NPAS2: variants seen among roughly 807,000 people sequenced by gnomAD.
NPAS2 encodes neuronal PAS domain-containing protein 2.
A neutral mutation model predicts 107.5 loss-of-function variants in NPAS2; 23 were observed. That is an observed-to-expected ratio of 0.21 (90% CI 0.15 to 0.30). The LOEUF is 0.30. Ranked by LOEUF, NPAS2 falls within the 10% of genes least tolerant of loss-of-function variation. The pLI is 1.00. For missense variants in NPAS2, 756 were observed against 1,043.3 expected, an observed-to-expected ratio of 0.72 and a Z score of 3.79; for synonymous variants, 403 against 417.5, an observed-to-expected ratio of 0.97 and a Z score of 0.42.
At chr2:100,821,327 C>T in intron 1 of NPAS2, 1 of 792,906 alleles carries the variant, frequency 1.3e-6, no homozygotes, top group Non-Finnish European at 1.8e-6. Flanking sequence ...GAGCTTGTGT[C>T]CGGGAGGCTT....
At chr2:100,933,159 C>T (rs1449319209) in intron 4 of NPAS2, among the ~76,000 whole-genome samples, 158 bp downstream of exon 4, 2 of 152,156 alleles carry the variant, frequency 1.3e-5, no homozygotes, top group African/African-American at 2.4e-5. Flanking sequence ...CCTGCTGTTG[C>T]CTATGGGCCA....
Position 100,995,294 on chromosome 2 carries a change from C to A in NPAS2, c.2293-106C>A. 4 of 1,012,186 alleles carry A rather than the reference C, an allele frequency of 4.0e-6. No homozygotes were observed. In the South Asian group the frequency reaches 7.0e-5, roughly 18 times the overall value. The allele number at this position is 1,012,186 out of a possible 1,614,324, so 62.7% of individuals were successfully genotyped here. ...CCACATGACCCCCCAAGAAAGACAG[C>A]CCTGTAGTCTAACTCAACCTGCAGC... On this transcript the variant is annotated intron_variant, in intron 20 of 20. Coordinates refer to ENST00000335681, the MANE Select transcript of NPAS2 (RefSeq NM_002518.4).
intron 1 of NPAS2, among the ~76,000 whole-genome samples, chr2:100,868,440 G>T (rs1679377424): frequency 6.6e-6 from 1 of 152,118 alleles, no homozygotes; most frequent in Non-Finnish European, 1.5e-5. Flanking sequence ...TTGGTAATCT[G>T]CAGTGTCATG....
intron 1 of NPAS2, among the ~76,000 whole-genome samples, chr2:100,881,120 C>T (rs77654141): frequency 0.02 from 3,013 of 152,308 alleles, 107 homozygotes; most frequent in African/African-American, 0.067. Context: ...GGCATCCGGA[C>T]AAAGGCCCCT....
At chr2:100,867,261 A>G (rs1285700389) in intron 1 of NPAS2, among the ~76,000 whole-genome samples, 1 of 152,198 alleles carries the variant, frequency 6.6e-6, no homozygotes, top group African/African-American at 2.4e-5. Flanking sequence ...TATATCACTT[A>G]TGAGATATGT....
chr2:100,926,362 A>G (rs1683560112), intron 3 of NPAS2, among the ~76,000 whole-genome samples: 2 of 152,214 alleles, frequency 1.3e-5, no homozygotes, highest in African/African-American at 4.8e-5. Context: ...CTGTTTTCCA[A>G]GGTGGCTTGT....
At chr2:100,933,717 A>G (rs1684128916) in intron 4 of NPAS2, among the ~76,000 whole-genome samples, 1 of 152,212 alleles carries the variant, frequency 6.6e-6, no homozygotes, top group Admixed American at 6.5e-5. Context: ...ACAACTGCCA[A>G]CGTGCTGTGG....
intron 13 of NPAS2, 197 bp downstream of exon 13, chr2:100,975,141 T>G (rs955182847): frequency 1.3e-5 from 8 of 613,932 alleles, no homozygotes; most frequent in Non-Finnish European, 2.3e-5. Context: ...TATCCATTCA[T>G]TGCCAAGCAA....
intron 1 of NPAS2, among the ~76,000 whole-genome samples, chr2:100,900,510 T>G (rs534826203): frequency 3.3e-5 from 5 of 152,234 alleles, no homozygotes; most frequent in African/African-American, 1.2e-4. Context: ...AGCCTGGCAG[T>G]TTTTAATAAA....
Position 100,820,961 on chromosome 2 carries a change from G to C in NPAS2, c.-23+547G>C. On this transcript the variant is annotated intron_variant, in intron 1 of 20. Coordinates refer to ENST00000335681, the MANE Select transcript of NPAS2 (RefSeq NM_002518.4). This position sits in a 1 kb window ranked among gnomAD's most constrained non-coding sequence, Gnocchi z 5.6. ...CCCCCAACCCCCGTGTGCGCAGACA[G>C]CGTGCAGCCTGGCTCCTCACGTCGC... 9.4e-7 allele frequency: 1 copy of C among 1,058,696 alleles called. No individual in the cohort carries two copies. Among genetic ancestry groups the C allele is most frequent in the Non-Finnish European group, 1.3e-6 (1 of 792,254 alleles). The allele number at this position is 1,058,696 out of a possible 1,614,324, so 65.6% of individuals were successfully genotyped here.
intron 6 of NPAS2, among the ~76,000 whole-genome samples, chr2:100,948,833 G>A (rs1190999389): frequency 1.3e-5 from 2 of 152,180 alleles, no homozygotes; most frequent in African/African-American, 2.4e-5. Context: ...GAATTCAGAC[G>A]TTTTTATCAA....
At position 100,842,449 on chromosome 2, in the gene NPAS2, A is replaced by T. The variant is rs1246667279; in HGVS notation, c.-23+22035A>T. On this transcript the variant is annotated intron_variant, in intron 1 of 20. Coordinates refer to ENST00000335681, the MANE Select transcript of NPAS2 (RefSeq NM_002518.4). The stretch of plus-strand genomic sequence containing the variant: ...ACATAGAAAGTTTCCTTCGACTGTC[A>T]TCATCTTGCTTGTGGTCTGGGTGTC... Among the ~76,000 whole-genome samples, 3 of 151,938 alleles carry T rather than the reference A, an allele frequency of 2.0e-5. No individual in the cohort carries two copies. The East Asian group carries it at 5.8e-4, about 29-fold the overall frequency.
At chr2:100,882,226 G>A (rs1035279391) in intron 1 of NPAS2, among the ~76,000 whole-genome samples, 1 of 152,152 alleles carries the variant, frequency 6.6e-6, no homozygotes, top group Non-Finnish European at 1.5e-5. Flanking sequence ...CCAGGAAGGC[G>A]GCACTGCCAC....
Position 100,837,094 on chromosome 2 carries a change from A to G in NPAS2, c.-23+16680A>G, listed in dbSNP as rs1465366593. ...AGCGGGACCCCATCCTTCCAGAGTTATTAATGTTCTAGGACAAATCTAGTA... is the reference window on the plus strand; with the variant it reads ...AGCGGGACCCCATCCTTCCAGAGTTGTTAATGTTCTAGGACAAATCTAGTA... On this transcript the variant is annotated intron_variant, in intron 1 of 20. Transcript: ENST00000335681. 6.6e-5 allele frequency among the ~76,000 whole-genome samples: 10 copies of G among 152,230 alleles called. No individual in the cohort carries two copies. The South Asian group carries it at 1.2e-3, about 19-fold the overall frequency.
intron 1 of NPAS2, among the ~76,000 whole-genome samples, chr2:100,881,940 G>T (rs1263727109): frequency 1.3e-5 from 2 of 152,272 alleles, no homozygotes; most frequent in Middle Eastern, 3.4e-3. Context: ...TCATGTGCTC[G>T]CAGTGCCCTG....
intron 1 of NPAS2, among the ~76,000 whole-genome samples, chr2:100,867,466 T>C (rs1038529047): frequency 2.6e-5 from 4 of 152,228 alleles, no homozygotes; most frequent in African/African-American, 9.6e-5. Flanking sequence ...TACTAAGTTA[T>C]GTTTATTGCC....
Position 100,892,224 on chromosome 2 carries a change from G to A in NPAS2, c.-22-12509G>A, listed in dbSNP as rs117983580. On this transcript the variant is annotated intron_variant, in intron 1 of 20. Transcript: ENST00000335681. ...GCCCTTCCATCCAGATATCATGGCC[G>A]TTTCTATCTTGAGAATTATTTGCTG... Among the ~76,000 whole-genome samples, 40 of 152,332 alleles carry A rather than the reference G, an allele frequency of 2.6e-4. No individual in the cohort carries two copies. In the East Asian group the frequency reaches 6.9e-3, roughly 26 times the overall value.
At position 100,990,725 on chromosome 2, in the gene NPAS2, T is replaced by C. The variant is rs1678063081; in HGVS notation, c.2019-55T>C. The C allele has an allele frequency of 2.7e-6, 4 of 1,478,440 alleles. No individual in the cohort carries two copies. The Admixed American group carries it at 6.7e-5, about 25-fold the overall frequency. The allele number at this position is 1,478,440 out of a possible 1,614,324, so 91.6% of individuals were successfully genotyped here. The stretch of plus-strand genomic sequence containing the variant: ...GCTGAGCAAGTGCTGCCACGACCAG[T>C]GGGTCTGTGGTTCAGGTGCTGATCA... On this transcript the variant is annotated intron_variant, in intron 18 of 20. Transcript: ENST00000335681.
intron 1 of NPAS2, among the ~76,000 whole-genome samples, chr2:100,884,892 TA>T (rs923418413): frequency 1.6e-4 from 24 of 151,958 alleles, no homozygotes; most frequent in African/African-American, 5.8e-4. Flanking sequence ...TTTTAATATA[TA>T]AAGAGACATC....
Sources: gnomAD v4.1 joint callset for allele counts (sites outside exome capture counted in the v4.1 genomes callset) on GRCh38, gnomAD v4.1.1 for gene constraint, Gnocchi (gnomAD v3.1) non-coding constraint, MANE v1.5 for transcripts, NCBI Gene and HGNC (gene_info 2026-07-23, HGNC 2026-07-21) for gene names.